DPYD: variants seen among roughly 807,000 people sequenced by gnomAD.
DPYD encodes the protein dihydropyrimidine dehydrogenase [NADP(+)].
In DPYD, 109 loss-of-function variants were observed where a neutral mutation model predicts 116.2. That is an observed-to-expected ratio of 0.94 (90% CI 0.80 to 1.10). DPYD has a LOEUF of 1.10. Ranked by LOEUF, DPYD falls within the 50% of genes least tolerant of loss-of-function variation. The pLI is 0.00. For synonymous variants in DPYD, 440 were observed against 432.0 expected, an observed-to-expected ratio of 1.02 and a Z score of -0.23; for missense variants, 1,302 against 1,254.5, an observed-to-expected ratio of 1.04 and a Z score of -0.57.
rs756684474 is a variant in DPYD at position 97,883,277 on chromosome 1, T to G, written c.137A>C (p.Asp46Ala). 6 of 1,608,510 alleles carry G rather than the reference T, an allele frequency of 3.7e-6. No individual in the cohort carries two copies. The highest frequency in any genetic ancestry group is 1.7e-5 in the Admixed American group (1 of 59,906). Residue 46 changes from aspartate to alanine, a missense_variant, in exon 2 of 23, where the codon GAT becomes GCT. By Grantham distance (126) the Asp-to-Ala change is moderately radical (BLOSUM62 -2). Coordinates refer to ENST00000370192, the MANE Select transcript of DPYD (RefSeq NM_000110.4). ...LDKKHWKRNPDKNCFNCEKLE... is the reference protein window; with the variant it reads ...LDKKHWKRNPAKNCFNCEKLE... ...AGTGGTACTTACAAAGCAGTTCTTA[T>G]CAGGATTTCTTTTCCAATGTTTCTT...
At chr1:97,843,956 T>C (rs558861119) in intron 2 of DPYD, among the ~76,000 whole-genome samples, 30 of 152,224 alleles carry the variant, frequency 2.0e-4, no homozygotes, top group Non-Finnish European at 2.1e-4. Flanking sequence ...TCAGATACTA[T>C]CAGAGTTTAT....
chr1:97,112,264 G>A (rs185443292), intron 20 of DPYD, among the ~76,000 whole-genome samples: 1 of 152,154 alleles, frequency 6.6e-6, no homozygotes, highest in Admixed American at 6.6e-5. Flanking sequence ...ATTTATAAGG[G>A]AAGTCAATGG....
chr1:97,394,651 G>C (rs7516781), intron 14 of DPYD, among the ~76,000 whole-genome samples: 29,169 of 151,986 alleles, frequency 0.19, 2,972 homozygotes, highest in South Asian at 0.37. Context: ...AGTGTATGCT[G>C]TTTGAAAAGT....
At chr1:97,344,816 T>C (rs1669763021) in intron 16 of DPYD, among the ~76,000 whole-genome samples, 1 of 151,920 alleles carries the variant, frequency 6.6e-6, no homozygotes, top group East Asian at 1.9e-4. Context: ...TGTTTATGCA[T>C]GTACTATAAT....
At chr1:97,636,721 AAG>A (rs1657582910) in intron 8 of DPYD, among the ~76,000 whole-genome samples, 1 of 152,136 alleles carries the variant, frequency 6.6e-6, no homozygotes, top group African/African-American at 2.4e-5. Context: ...TTTTCTACCG[AAG>A]AGTCTTGAAT....
intron 2 of DPYD, among the ~76,000 whole-genome samples, chr1:97,878,537 T>A (rs892258168): frequency 2.6e-5 from 4 of 152,026 alleles, no homozygotes; most frequent in African/African-American, 9.7e-5. Flanking sequence ...ACTTATGCTA[T>A]AAACAAGTAA....
At chr1:97,854,743 C>T (rs182153296) in intron 2 of DPYD, among the ~76,000 whole-genome samples, 1 of 152,140 alleles carries the variant, frequency 6.6e-6, no homozygotes, top group East Asian at 1.9e-4. Flanking sequence ...ACTCCCATAC[C>T]CCCTGCTTAT....
intron 3 of DPYD, among the ~76,000 whole-genome samples, chr1:97,776,011 A>T (rs1205573132): frequency 6.6e-6 from 1 of 151,986 alleles, no homozygotes; most frequent in Non-Finnish European, 1.5e-5. Flanking sequence ...GTGATGTTTG[A>T]TAAGGTTGGG....
intron 10 of DPYD, among the ~76,000 whole-genome samples, chr1:97,580,826 A>G (rs1259583033): frequency 6.6e-6 from 1 of 152,162 alleles, no homozygotes; most frequent in Non-Finnish European, 1.5e-5. Context: ...AGCCAACAGG[A>G]TTAAGCCTTA....
chr1:97,685,262 T>G (rs747202387), intron 7 of DPYD, among the ~76,000 whole-genome samples: 1 of 152,204 alleles, frequency 6.6e-6, no homozygotes, highest in Admixed American at 6.6e-5. Context: ...TCTCAATAGA[T>G]GCAGAAAAGT....
At chr1:97,409,019 C>T (rs1673828262) in intron 14 of DPYD, among the ~76,000 whole-genome samples, 2 of 152,206 alleles carry the variant, frequency 1.3e-5, no homozygotes, top group Admixed American at 1.3e-4. Flanking sequence ...TGCTTCTCAG[C>T]TTGCAGACGG....
chr1:97,776,462 G>A (rs1280458450), intron 3 of DPYD, among the ~76,000 whole-genome samples: 2 of 152,148 alleles, frequency 1.3e-5, no homozygotes, highest in Non-Finnish European at 2.9e-5. Context: ...TGCAGGCACT[G>A]CTACCAGGGT....
intron 2 of DPYD, among the ~76,000 whole-genome samples, chr1:97,860,130 T>C (rs1324589126): frequency 2.0e-5 from 3 of 151,922 alleles, no homozygotes; most frequent in Non-Finnish European, 2.9e-5. Flanking sequence ...ATCACTTGAG[T>C]CCAAGAGTTT....
intron 8 of DPYD, among the ~76,000 whole-genome samples, chr1:97,677,099 A>G (rs1461052191): frequency 6.6e-6 from 1 of 152,158 alleles, no homozygotes; most frequent in African/African-American, 2.4e-5. Context: ...AAAAGCTGAA[A>G]CACTATTGAT....
chr1:97,729,413 C>A (rs1316748824), intron 4 of DPYD, among the ~76,000 whole-genome samples: 10 of 152,048 alleles, frequency 6.6e-5, no homozygotes, highest in Non-Finnish European at 1.2e-4. Context: ...GATGCCTATT[C>A]CATTATGTAC....
intron 11 of DPYD, among the ~76,000 whole-genome samples, chr1:97,566,088 C>T (rs1652501129): frequency 6.6e-6 from 1 of 152,170 alleles, no homozygotes. Flanking sequence ...GAAACTCCTA[C>T]ACATCACTCA....
intron 14 of DPYD, among the ~76,000 whole-genome samples, chr1:97,387,418 C>T (rs1479372500): frequency 1.3e-5 from 2 of 152,038 alleles, no homozygotes; most frequent in African/African-American, 4.8e-5. Flanking sequence ...AAGTGATGAA[C>T]AAGACAGAAA....
intron 13 of DPYD, among the ~76,000 whole-genome samples, chr1:97,467,080 A>G (rs1255799002): frequency 6.6e-6 from 1 of 152,222 alleles, no homozygotes; most frequent in African/African-American, 2.4e-5. Flanking sequence ...GCTTAAAACA[A>G]TAGCCAAGGA....
intron 12 of DPYD, among the ~76,000 whole-genome samples, chr1:97,528,510 A>C (rs1441921208): frequency 6.6e-6 from 1 of 152,100 alleles, no homozygotes; most frequent in Non-Finnish European, 1.5e-5. Context: ...TCCATGTCCC[A>C]TCTTTCTCCA....
Sources: gnomAD v4.1 joint callset for allele counts (sites outside exome capture counted in the v4.1 genomes callset) on GRCh38, gnomAD v4.1.1 for gene constraint, MANE v1.5 for transcripts, NCBI Gene and HGNC (gene_info 2026-07-23, HGNC 2026-07-21) for gene names.